Variants in SDK1 observed in about 807,000 individuals in gnomAD.
The protein encoded by SDK1 is sidekick cell adhesion molecule 1, also known as protein sidekick-1.
SDK1 carries 157 observed loss-of-function variants against 245.5 expected under a neutral mutation model. That is an observed-to-expected ratio of 0.64 (90% CI 0.56 to 0.73). The LOEUF (loss-of-function observed/expected upper bound fraction) is 0.73, where lower values mean the gene tolerates loss of function less well. SDK1 is among the 30% of genes least tolerant of loss of function. SDK1 has a pLI of 0.00. For missense variants in SDK1, 3,583 were observed against 3,002.3 expected (o/e 1.19, Z -4.52); for synonymous variants, 1,647 against 1,278.5 (o/e 1.29, Z -6.15).
chr7:3,983,833 C>T (rs1278432091), intron 13 of SDK1, among the ~76,000 whole-genome samples: 2 of 152,138 alleles, frequency 1.3e-5, no homozygotes, highest in Non-Finnish European at 2.9e-5. Context: ...CACACTTTGC[C>T]CTGGGCCATC....
intron 44 of SDK1, among the ~76,000 whole-genome samples, chr7:4,262,295 A>G (rs1401995979): frequency 6.6e-6 from 1 of 151,408 alleles, no homozygotes; most frequent in Non-Finnish European, 1.5e-5. Context: ...ACCTCAGGTG[A>G]TCCGCTCGCC....
At chr7:3,986,733 C>T (rs1204870795) in intron 13 of SDK1, among the ~76,000 whole-genome samples, 3 of 152,092 alleles carry the variant, frequency 2.0e-5, no homozygotes, top group African/African-American at 4.8e-5. Flanking sequence ...TGGTGGCAGG[C>T]GCCTATAATC....
intron 1 of SDK1, among the ~76,000 whole-genome samples, chr7:3,606,775 A>T (rs918435753): frequency 1.3e-5 from 2 of 151,230 alleles, no homozygotes; most frequent in African/African-American, 4.9e-5. Flanking sequence ...TCTTCCTTTT[A>T]TTTTTTCTAT....
rs567657386 is a variant in SDK1, at chr7:3,622,129, C to T, written c.458+2890C>T. ...TTTGACCTAGGGTATTTTCAACATA[C>T]GCTAAGTTTATTGGGACATAACACC... is the stretch of plus-strand genomic sequence containing the variant. On this transcript the variant is annotated intron_variant, in intron 2 of 44. Transcript: ENST00000404826. Among the ~76,000 whole-genome samples, 6 of 152,216 alleles carry T rather than the reference C, an allele frequency of 3.9e-5. No homozygotes were observed. The South Asian group carries it at 8.3e-4, about 21-fold the overall frequency.
At chr7:4,087,731 G>A (rs770928421) in intron 22 of SDK1, among the ~76,000 whole-genome samples, 19 of 152,220 alleles carry the variant, frequency 1.2e-4, no homozygotes, top group African/African-American at 3.1e-4. Flanking sequence ...TGAAGAATAC[G>A]GGCTTTGAGT....
Position 3,969,297 on chromosome 7 carries a change from G to T in SDK1, c.1587G>T (p.Arg529Ser). Residue 529 changes from arginine to serine, a missense_variant, in exon 11 of 45, where the codon AGG becomes AGT. By Grantham distance (110) the Arg-to-Ser change is moderately radical. Transcript: ENST00000404826. ...CCAGTGGCTCTGTCCGGATTCCTAGGTTCATGCTTCTTGAATCGGGGGGTC... is the reference window on the plus strand; with the variant it reads ...CCAGTGGCTCTGTCCGGATTCCTAGTTTCATGCTTCTTGAATCGGGGGGTC... ...ILASGSVRIPRFMLLESGGLQ... is the reference protein window; with the variant it reads ...ILASGSVRIPSFMLLESGGLQ... 6.2e-7 allele frequency: 1 copy of T among 1,610,546 alleles called. No homozygotes were observed. Among genetic ancestry groups the T allele is most frequent in the Non-Finnish European group, 8.5e-7 (1 of 1,178,506 alleles).
intron 33 of SDK1, among the ~76,000 whole-genome samples, chr7:4,174,820 C>T (rs1013761940): frequency 6.6e-6 from 1 of 152,150 alleles, no homozygotes; most frequent in Non-Finnish European, 1.5e-5. Flanking sequence ...GATCGTTGCT[C>T]TGACGAGGGC....
At chr7:3,418,559 A>G (rs374425411) in intron 1 of SDK1, among the ~76,000 whole-genome samples, 9 of 152,298 alleles carry the variant, frequency 5.9e-5, no homozygotes, top group East Asian at 5.8e-4. Context: ...TCTCTGCTCT[A>G]CAGGACTTGA....
intron 1 of SDK1, among the ~76,000 whole-genome samples, chr7:3,347,661 A>G (rs920528285): frequency 6.6e-6 from 1 of 152,150 alleles, no homozygotes; most frequent in Non-Finnish European, 1.5e-5. Context: ...TTTAGTTTAT[A>G]TTCCTAAGTG....
chr7:3,951,774 G>C lies in SDK1; in HGVS notation c.1004G>C (p.Arg335Thr). Residue 335 changes from arginine (R) to threonine (T), a missense_variant, in exon 7 of 45, where the codon AGA (arginine) becomes ACA (threonine). Arg to Thr is a moderately conservative substitution (Grantham distance 71). Coordinates refer to ENST00000404826, the MANE Select transcript of SDK1 (RefSeq NM_152744.4). ...GTGACCTGGAAGAGGAATGGAGTGAGAATCACCAGTGGCCTCCACAGCTTT... is the reference window on the plus strand; with the variant it reads ...GTGACCTGGAAGAGGAATGGAGTGACAATCACCAGTGGCCTCCACAGCTTT... ...LSVTWKRNGV[R>T]ITSGLHSFGR... The C allele has an allele frequency of 1.2e-6, 2 of 1,613,904 alleles. No homozygotes were observed. Among genetic ancestry groups the C allele is most frequent in the African/African-American group, 1.3e-5 (1 of 75,036 alleles).
At chr7:3,877,074 A>G (rs1781094039) in intron 5 of SDK1, among the ~76,000 whole-genome samples, 1 of 152,244 alleles carries the variant, frequency 6.6e-6, no homozygotes, top group Admixed American at 6.5e-5. Flanking sequence ...GAAAGGTCAC[A>G]GTTAAAAGCT....
chr7:3,346,841 T>A (rs1202314165), intron 1 of SDK1, among the ~76,000 whole-genome samples: 13 of 121,374 alleles, frequency 1.1e-4, no homozygotes, highest in African/African-American at 4.3e-4. Context: ...TTTTTTTTTT[T>A]TTTTTTTTTT....
intron 1 of SDK1, chr7:3,476,090 A>C (rs1781340613): frequency 6.6e-6 from 1 of 152,630 alleles, no homozygotes; most frequent in African/African-American, 2.4e-5. Context: ...ATTTTCAAAC[A>C]ATTTCTCTCT....
At chr7:3,444,583 A>G (rs1372774771) in intron 1 of SDK1, among the ~76,000 whole-genome samples, 1 of 152,118 alleles carries the variant, frequency 6.6e-6, no homozygotes, top group Non-Finnish European at 1.5e-5. Flanking sequence ...CCAGAACTGG[A>G]CACACTCTTC....
At chr7:3,592,090 A>G (rs1583204232) in intron 1 of SDK1, among the ~76,000 whole-genome samples, 1 of 152,244 alleles carries the variant, frequency 6.6e-6, no homozygotes, top group African/African-American at 2.4e-5. Context: ...TATTTTTGGA[A>G]GTAATGGAGG....
In SDK1 at chr7:4,149,079, A is replaced by G. The variant is rs558041601; in HGVS notation, c.4424-183A>G. 3.9e-5 allele frequency among the ~76,000 whole-genome samples: 6 copies of G among 152,008 alleles called. No individual in the cohort carries two copies. The South Asian group carries it at 1.2e-3, about 32-fold the overall frequency. ...CAAAAACAAAACAAAACAAAACAAA[A>G]CAAAAAAACAGAGCCTCTCATCTCC... On this transcript the variant is annotated intron_variant, in intron 29 of 44. Transcript: ENST00000404826.
intron 30 of SDK1, among the ~76,000 whole-genome samples, chr7:4,155,220 G>A (rs1016928257): frequency 6.6e-6 from 1 of 152,090 alleles, no homozygotes; most frequent in Non-Finnish European, 1.5e-5. Context: ...CTTCCACCGA[G>A]AGGGTTAACT....
chr7:3,902,567 A>G (rs1486912066), intron 5 of SDK1, among the ~76,000 whole-genome samples: 1 of 151,944 alleles, frequency 6.6e-6, no homozygotes, highest in East Asian at 1.9e-4. Context: ...TATATTACCT[A>G]TTTGATGTAT....
chr7:3,911,074 G>C (rs981322933), intron 5 of SDK1, among the ~76,000 whole-genome samples: 4 of 152,144 alleles, frequency 2.6e-5, no homozygotes, highest in Non-Finnish European at 5.9e-5. Context: ...TCCATTTTGG[G>C]GGGACTAGGG....
Sources: gnomAD v4.1 joint callset for allele counts (sites outside exome capture counted in the v4.1 genomes callset) on GRCh38, gnomAD v4.1.1 for gene constraint, MANE v1.5 for transcripts, NCBI Gene and HGNC (gene_info 2026-07-23, HGNC 2026-07-21) for gene names.